The following LRSAM1 variants were observed in gnomAD, a reference collection of about 807,000 sequenced individuals.
The protein encoded by LRSAM1 is E3 ubiquitin-protein ligase LRSAM1.
Under a neutral mutation model 118.1 loss-of-function variants are expected in LRSAM1, and 96 were observed. The ratio of observed to expected loss-of-function variants is 0.81; its 90% CI spans 0.69 to 0.96. The LOEUF (loss-of-function observed/expected upper bound fraction) is 0.96. Ranked by LOEUF, LRSAM1 falls within the 40% of genes least tolerant of loss-of-function variation. The probability of loss-of-function intolerance (pLI) is 0.00; values close to 1 mark genes in which losing one functional copy is unlikely to be tolerated. For missense variants in LRSAM1, 804 were observed against 915.5 expected (o/e 0.88, Z 1.57); for synonymous variants, 322 against 364.2 (o/e 0.88, Z 1.32).
chr9:127,500,768 C>A (rs955285707), intron 24 of LRSAM1, among the ~76,000 whole-genome samples: 1 of 152,240 alleles, frequency 6.6e-6, no homozygotes, highest in African/African-American at 2.4e-5. Context: ...ACCCACTTAA[C>A]AAGCGCTGCG....
chr9:127,459,819 A>G (rs1834667834), intron 7 of LRSAM1, among the ~76,000 whole-genome samples: 2 of 152,210 alleles, frequency 1.3e-5, no homozygotes, highest in African/African-American at 4.8e-5. Context: ...TTGGCCTCCC[A>G]AAGTGCTGGA....
intron 16 of LRSAM1, among the ~76,000 whole-genome samples, chr9:127,485,277 A>C (rs1458821819): frequency 4.6e-5 from 7 of 152,124 alleles, no homozygotes; most frequent in Non-Finnish European, 1.0e-4. Context: ...TAAAAAGAAC[A>C]GGCCGGGCGC....
At chr9:127,463,372 A>G (rs775044253) in intron 9 of LRSAM1, among the ~76,000 whole-genome samples, 8 of 151,928 alleles carry the variant, frequency 5.3e-5, no homozygotes, top group Non-Finnish European at 1.2e-4. Context: ...GAGGGAGAGA[A>G]GGAGGTAGGG....
intron 9 of LRSAM1, among the ~76,000 whole-genome samples, chr9:127,464,889 C>T (rs540779407): frequency 7.2e-4 from 110 of 152,130 alleles, no homozygotes; most frequent in Middle Eastern, 3.4e-3. Flanking sequence ...GCAATCCTCC[C>T]GCCTTGACTC....
At position 127,502,785 on chromosome 9, in the gene LRSAM1, C is replaced by T; in HGVS notation, c.2058C>T (p.Ile686=). 6 of 1,607,066 alleles carry T rather than the reference C, an allele frequency of 3.7e-6. No homozygotes were observed. The highest frequency in any genetic ancestry group is 5.1e-6 in the Non-Finnish European group (6 of 1,176,076). The change falls in exon 26 of 26, where the codon ATC becomes ATT. Residue 686 remains isoleucine (I), a synonymous_variant. Coordinates refer to ENST00000300417, the MANE Select transcript of LRSAM1 (RefSeq NM_001005373.4). The stretch of plus-strand genomic sequence containing the variant: ...CTCTCCCTCCCCAGGCCCAGATGAT[C>T]TTCCTCAACTGTGGCCACGTCTGCT... The part of the protein sequence containing the change: ...VVCLEREAQM[I]FLNCGHVCCC...
intron 3 of LRSAM1, among the ~76,000 whole-genome samples, 198 bp from the exon 4 acceptor site, chr9:127,454,800 G>A (rs902350221): frequency 6.6e-6 from 1 of 152,154 alleles, no homozygotes; most frequent in Non-Finnish European, 1.5e-5. Flanking sequence ...CACTGTCATT[G>A]CTTTTCAGTT....
At chr9:127,496,256 G>T (rs1209528723) in intron 23 of LRSAM1, among the ~76,000 whole-genome samples, 161 bp downstream of exon 23, 1 of 152,262 alleles carries the variant, frequency 6.6e-6, no homozygotes, top group South Asian at 2.1e-4. Context: ...CTGCCCATCT[G>T]CCCCAGCCGC....
intron 2 of LRSAM1, chr9:127,454,126 C>T (rs549432449): frequency 5.1e-5 from 17 of 333,360 alleles, no homozygotes; most frequent in African/African-American, 1.5e-4. Flanking sequence ...ACTAGAAAGA[C>T]GCAGCCCCTG....
chr9:127,458,354 A>G (rs1167679591), intron 6 of LRSAM1, among the ~76,000 whole-genome samples: 2 of 150,918 alleles, frequency 1.3e-5, no homozygotes, highest in African/African-American at 2.4e-5. Context: ...TGCAGTCCGC[A>G]GTCCGGCGTG....
chr9:127,495,686 C>G (rs1366537133), intron 22 of LRSAM1, among the ~76,000 whole-genome samples: 1 of 152,202 alleles, frequency 6.6e-6, no homozygotes. Flanking sequence ...GAGCCACTGT[C>G]TGTCCAGCAC....
intron 21 of LRSAM1, among the ~76,000 whole-genome samples, chr9:127,493,934 G>A (rs918283044): frequency 6.6e-6 from 1 of 152,242 alleles, no homozygotes; most frequent in Non-Finnish European, 1.5e-5. Context: ...AGAAGAGAGA[G>A]ACCAGCTGCT....
chr9:127,485,636 G>C, intron 16 of LRSAM1, 100 bp from the exon 17 acceptor site: 1 of 1,067,252 alleles, frequency 9.4e-7, no homozygotes, highest in Admixed American at 1.7e-5. Context: ...AGGCCTCAAG[G>C]CCTGTTCCTC....
At chr9:127,474,296 C>A (rs1468582178) in intron 11 of LRSAM1, among the ~76,000 whole-genome samples, 1 of 145,862 alleles carries the variant, frequency 6.9e-6, no homozygotes, top group African/African-American at 2.6e-5. Context: ...GAGACAGGGT[C>A]TTGCTCCATC....
At chr9:127,480,259 T>G (rs1835489743) in intron 14 of LRSAM1, among the ~76,000 whole-genome samples, 1 of 152,166 alleles carries the variant, frequency 6.6e-6, no homozygotes, top group Non-Finnish European at 1.5e-5. Flanking sequence ...ATCTATAAAG[T>G]GAGTGGGTTT....
At chr9:127,456,038 C>T (rs943134161) in intron 5 of LRSAM1, among the ~76,000 whole-genome samples, 1 of 151,936 alleles carries the variant, frequency 6.6e-6, no homozygotes, top group African/African-American at 2.4e-5. Context: ...TAGAAACTCA[C>T]GCCTTTTATT....
chr9:127,477,224 G>T (rs140344062), intron 11 of LRSAM1, among the ~76,000 whole-genome samples: 359 of 152,118 alleles, frequency 2.4e-3, no homozygotes, highest in African/African-American at 8.2e-3. Context: ...GGGGTGGGAG[G>T]GGAACCAGGG....
At position 127,452,015 on chromosome 9, in the gene LRSAM1, G is replaced by C. The variant is rs1308151096; in HGVS notation, c.-102G>C. ...CCCCGAGTCCGTGACCAAGCCCTCCGAGTGATCGGCCTGCCCTCGGGTGCA... is the reference window on the plus strand; with the variant it reads ...CCCCGAGTCCGTGACCAAGCCCTCCCAGTGATCGGCCTGCCCTCGGGTGCA... On this transcript the variant is annotated 5_prime_UTR_variant, in exon 2 of 26. Transcript: ENST00000300417. 1.3e-5 allele frequency: 2 copies of C among 152,236 alleles called. No individual in the cohort carries two copies. The highest frequency in any genetic ancestry group is 2.9e-5 in the Non-Finnish European group (2 of 68,066). 9.4% of individuals were successfully genotyped at this position (152,236 alleles called of 1,614,324 possible). A position where few individuals can be genotyped will look rare whatever the true frequency, so the allele number is the denominator to read the frequency against.
rs1269913582 is a variant in LRSAM1, at chr9:127,465,803, G to T, written c.529-1937G>T. Among the ~76,000 whole-genome samples the T allele has an allele frequency of 6.6e-6, 1 of 152,164 alleles. No individual in the cohort carries two copies. The highest frequency in any genetic ancestry group is 2.4e-5 in the African/African-American group (1 of 41,436). On this transcript the variant is annotated intron_variant, in intron 9 of 25. Transcript: ENST00000300417. The surrounding 1 kb of genome is among the most constrained non-coding windows in gnomAD (Gnocchi z 4.1). ...GCCTGCCAGCACTCTGGGATGAGAG[G>T]GCCTGTGGGAAGTCAGAGGTTGGCA...
intron 24 of LRSAM1, among the ~76,000 whole-genome samples, chr9:127,500,666 G>T (rs1363103520): frequency 6.6e-6 from 1 of 152,212 alleles, no homozygotes; most frequent in African/African-American, 2.4e-5. Flanking sequence ...GTGACTCCCC[G>T]TCTCTGAGCC....
Sources: gnomAD v4.1 joint callset for allele counts (sites outside exome capture counted in the v4.1 genomes callset) on GRCh38, gnomAD v4.1.1 for gene constraint, Gnocchi (gnomAD v3.1) non-coding constraint, MANE v1.5 for transcripts, NCBI Gene and HGNC (gene_info 2026-07-23, HGNC 2026-07-21) for gene names.